The following TMEM230 variants were observed in gnomAD, a reference collection of about 807,000 sequenced individuals.
TMEM230 encodes UPF0414 transmembrane protein C20orf30.
TMEM230 carries 10 observed loss-of-function variants against 15.8 expected under a neutral mutation model. The observed-to-expected ratio is 0.63, with a 90% CI of 0.39 to 1.07. The LOEUF (loss-of-function observed/expected upper bound fraction) is 1.07. Among genes scored for constraint, TMEM230 ranks in the 50% least tolerant of loss-of-function variants. The probability of loss-of-function intolerance (pLI) is 0.01; values close to 1 mark genes in which losing one functional copy is unlikely to be tolerated. For synonymous variants in TMEM230, 67 were observed against 76.9 expected (o/e 0.87, Z 0.68); for missense variants, 165 against 193.3 (o/e 0.85, Z 0.87).
chr20:5,099,685 T>C (rs1045290834), downstream of TMEM230, among the ~76,000 whole-genome samples: 1 of 151,874 alleles, frequency 6.6e-6, no homozygotes, highest in Non-Finnish European at 1.5e-5. Context: ...TCCCACAGCC[T>C]TGCAACTCAG....
At chr20:5,084,598 A>C (rs1340669118) in intron 3 of TMEM230, among the ~76,000 whole-genome samples, 2 of 151,906 alleles carry the variant, frequency 1.3e-5, no homozygotes, top group Non-Finnish European at 1.5e-5. Context: ...GCAGTGGCGC[A>C]ATCTCTGCTC....
intron 3 of TMEM230, among the ~76,000 whole-genome samples, chr20:5,106,549 GC>G (rs1352135538): frequency 1.3e-5 from 2 of 151,954 alleles, no homozygotes; most frequent in Non-Finnish European, 2.9e-5. Context: ...GGTTACAGGT[GC>G]CCGCCACTAC....
chr20:5,081,243 G>A (rs1401741900), intron 3 of TMEM230, among the ~76,000 whole-genome samples: 1 of 152,180 alleles, frequency 6.6e-6, no homozygotes, highest in Non-Finnish European at 1.5e-5. Context: ...TCCCCTAGAA[G>A]CCCAAAAAAC....
At position 5,100,890 on chromosome 20, in the gene TMEM230, C is replaced by G. The variant is rs764844802; in HGVS notation, c.453G>C (p.Leu151=). ...GGTGGTAAAATCCGGGTAGGAACAC[C>G]AGAATGCCAATGATCAGCACTGGAA... Residue 151 remains leucine, a synonymous_variant, in exon 5 of 5, where the codon CTG becomes CTC. Transcript: ENST00000342308. The G allele has an allele frequency of 5.0e-6, 8 of 1,614,050 alleles. No individual in the cohort carries two copies. The Admixed American group carries it at 6.7e-5, about 13-fold the overall frequency.
At chr20:5,096,440 G>A (rs1192517831), downstream of TMEM230, among the ~76,000 whole-genome samples, 5 of 152,284 alleles carry the variant, frequency 3.3e-5, no homozygotes, top group South Asian at 6.2e-4. Flanking sequence ...CTGAATCTAG[G>A]AGAGAAGCCT....
At chr20:5,093,034 A>G (rs796171486) in intron 3 of TMEM230, among the ~76,000 whole-genome samples, 2 of 152,172 alleles carry the variant, frequency 1.3e-5, no homozygotes, top group African/African-American at 4.8e-5. Context: ...CAGGCCTCCA[A>G]ATTGGAAATG....
chr20:5,092,176 CAA>C (rs2089527911), intron 3 of TMEM230, among the ~76,000 whole-genome samples: 1 of 152,128 alleles, frequency 6.6e-6, no homozygotes, highest in Non-Finnish European at 1.5e-5. Context: ...ATACGATTGA[CAA>C]GAGAGAGATT....
downstream of TMEM230, among the ~76,000 whole-genome samples, chr20:5,097,486 G>C (rs1035511605): frequency 2.0e-5 from 3 of 152,108 alleles, no homozygotes; most frequent in African/African-American, 7.2e-5. Context: ...GTTACTTTCA[G>C]GTAAAATATA....
At chr20:5,072,848 C>CA (rs3056051) in intron 3 of TMEM230, among the ~76,000 whole-genome samples, 1,214 of 51,420 alleles carry the variant, frequency 0.024, 116 homozygotes, top group Non-Finnish European at 0.027. Flanking sequence ...GACTCCACCT[C>CA]AAAAAAAAAA....
chr20:5,108,185 C>T (rs948146112), intron 3 of TMEM230, among the ~76,000 whole-genome samples: 3 of 152,002 alleles, frequency 2.0e-5, no homozygotes, highest in South Asian at 2.1e-4. Flanking sequence ...TTTGCGAGGC[C>T]GAGGCAGGAT....
chr20:5,100,226 A>C lies in TMEM230; in HGVS notation c.*565T>G. 4 of 985,596 alleles carry C rather than the reference A, an allele frequency of 4.1e-6. No individual in the cohort carries two copies. Among genetic ancestry groups the C allele is most frequent in the Non-Finnish European group, 4.8e-6 (4 of 830,046 alleles). 61.1% of individuals were successfully genotyped at this position (985,596 alleles called of 1,614,324 possible). ...ACTGTTAAACAGAGGAAGTATTTAC[A>C]TTTTGAAAACTTGCTCTGCAGGATA... On this transcript the variant is annotated 3_prime_UTR_variant, in exon 5 of 5. Transcript: ENST00000342308.
chr20:5,103,053 T>C (rs894008193), intron 4 of TMEM230, among the ~76,000 whole-genome samples: 18 of 152,192 alleles, frequency 1.2e-4, no homozygotes, highest in African/African-American at 3.1e-4. Context: ...CAATCGATGC[T>C]AGAAAAGCAT....
At chr20:5,098,715 T>C (rs566255326), downstream of TMEM230, among the ~76,000 whole-genome samples, 137 of 151,862 alleles carry the variant, frequency 9.0e-4, no homozygotes, top group Non-Finnish European at 1.8e-3. Flanking sequence ...GACTACTAAA[T>C]GCATAGTATG....
rs201276122 is a variant in TMEM230 at position 5,100,975 on chromosome 20, C to T, written c.412-44G>A. 6.5e-4 allele frequency: 1,050 copies of T among 1,606,678 alleles called. 3 individuals carry two copies. Among genetic ancestry groups the T allele is most frequent in the Non-Finnish European group, 8.3e-4 (980 of 1,176,346 alleles). On this transcript the variant is annotated intron_variant, in intron 4 of 4. Transcript: ENST00000342308. ...AAACACATTAGTACCGTAAGAGTTA[C>T]ACATTTTAAAATAAAACGTCACAGA...
chr20:5,072,884 C>G (rs574197950), intron 3 of TMEM230, among the ~76,000 whole-genome samples: 5 of 145,116 alleles, frequency 3.4e-5, no homozygotes, highest in Non-Finnish European at 6.0e-5. Context: ...AAGATCAGTT[C>G]CAACTTCTCT....
chr20:5,061,361 G>A, the TMEM230 span: 1 of 152,172 alleles, frequency 6.6e-6, no homozygotes, highest in Non-Finnish European at 1.5e-5. Context: ...TACTCAAAAT[G>A]TAGTTTCCGA....
chr20:5,104,939 A>G (rs1341980871), intron 4 of TMEM230, among the ~76,000 whole-genome samples: 1 of 152,256 alleles, frequency 6.6e-6, no homozygotes, highest in African/African-American at 2.4e-5. Context: ...AATAAGCTCT[A>G]GTATTTGATA....
chr20:5,096,064 T>C (rs1029122999), downstream of TMEM230, among the ~76,000 whole-genome samples: 6 of 152,122 alleles, frequency 3.9e-5, no homozygotes, highest in Non-Finnish European at 8.8e-5. Flanking sequence ...ACACCCTCCG[T>C]CAGCAGCTGT....
chr20:5,076,049 C>A (rs1014974453), intron 3 of TMEM230, among the ~76,000 whole-genome samples: 3 of 151,422 alleles, frequency 2.0e-5, no homozygotes, highest in Non-Finnish European at 4.4e-5. Flanking sequence ...GTGGAGGTTG[C>A]AGTGAATTGA....
Sources: allele counts gnomAD v4.1 joint callset (sites outside exome capture counted in the v4.1 genomes callset), GRCh38; gene constraint gnomAD v4.1.1; transcripts MANE v1.5; gene names NCBI Gene and HGNC (gene_info 2026-07-23, HGNC 2026-07-21).